The following EXD3 variants were observed in gnomAD, a reference collection of about 807,000 sequenced individuals.
EXD3 encodes the protein exonuclease mut-7 homolog.
EXD3 carries 92 observed loss-of-function variants against 98.0 expected under a neutral mutation model. The observed-to-expected ratio is 0.94, with a 90% CI of 0.79 to 1.12. The LOEUF is 1.12. Among genes scored for constraint, EXD3 ranks in the 50% most tolerant of loss-of-function variants. EXD3 has a pLI of 0.00. For missense variants in EXD3, 1,222 were observed against 1,191.6 expected (o/e 1.03, Z -0.38); for synonymous variants, 569 against 526.0 (o/e 1.08, Z -1.12).
intron 19 of EXD3, among the ~76,000 whole-genome samples, chr9:137,318,789 C>A (rs1051996788): frequency 6.6e-6 from 1 of 152,192 alleles, no homozygotes; most frequent in Non-Finnish European, 1.5e-5. Context: ...GCAACCCCAG[C>A]GCCCAGGAGT....
intron 21 of EXD3, 102 bp downstream of exon 21, chr9:137,307,506 C>T (rs570356895): frequency 1.2e-5 from 18 of 1,461,878 alleles, no homozygotes; most frequent in African/African-American, 7.0e-5. Flanking sequence ...CCACAGAGCC[C>T]CCTCTGCCCG....
intron 3 of EXD3, among the ~76,000 whole-genome samples, chr9:137,375,760 A>G (rs1341205356): frequency 6.6e-6 from 1 of 152,230 alleles, no homozygotes; most frequent in African/African-American, 2.4e-5. Flanking sequence ...GGCAGAAACA[A>G]AACATCATTC....
intron 7 of EXD3, 177 bp downstream of exon 7, chr9:137,366,316 C>A (rs1170670358): frequency 2.3e-6 from 2 of 881,138 alleles, no homozygotes; most frequent in East Asian, 5.3e-5. Flanking sequence ...CCAGCCCCAG[C>A]CGCTCCTCTC....
At chr9:137,323,491 G>A (rs1291758386) in intron 19 of EXD3, among the ~76,000 whole-genome samples, 1 of 78,320 alleles carries the variant, frequency 1.3e-5, no homozygotes. Flanking sequence ...CCGGACCCAC[G>A]AGGGATGATC....
At chr9:137,326,128 C>T (rs1588252971) in intron 17 of EXD3, among the ~76,000 whole-genome samples, 1 of 151,774 alleles carries the variant, frequency 6.6e-6, no homozygotes, top group Admixed American at 6.6e-5. Context: ...GGAACACTTC[C>T]TGGCGCTGTA....
At position 137,351,147 on chromosome 9, in the gene EXD3, C is replaced by A. The variant is rs575148945; in HGVS notation, c.1385G>T (p.Gly462Val). The A allele has an allele frequency of 3.8e-6, 6 of 1,570,738 alleles. No homozygotes were observed. In the South Asian group the frequency reaches 4.7e-5, roughly 12 times the overall value. The change falls in exon 14 of 22, where the codon GGC (glycine) becomes GTC (valine). Residue 462 changes from glycine to valine, a missense_variant and splice_region_variant. Transcript: ENST00000340951. The stretch of plus-strand genomic sequence containing the variant: ...TTGCAGGTCCCCCACCATCCCGTAG[C>A]CTGTGGGCAGGAACCATCGTGGGAG... ...LLSDPSITKL[G>V]YGMVGDLQKL...
intron 3 of EXD3, among the ~76,000 whole-genome samples, chr9:137,376,641 C>T (rs990517781): frequency 2.6e-5 from 4 of 152,010 alleles, no homozygotes; most frequent in Non-Finnish European, 4.4e-5. Context: ...TTAAAAATGC[C>T]TCTTTTGGCC....
intron 19 of EXD3, among the ~76,000 whole-genome samples, chr9:137,312,817 C>T (rs1831437681): frequency 6.6e-6 from 1 of 152,136 alleles, no homozygotes; most frequent in South Asian, 2.1e-4. Flanking sequence ...ACCCCCACCA[C>T]CAAGGGAGCG....
At chr9:137,354,829 C>T in intron 8 of EXD3, 56 bp from the exon 9 acceptor site, 1 of 1,543,214 alleles carries the variant, frequency 6.5e-7, no homozygotes, top group South Asian at 1.2e-5. Context: ...ACCACGGCCT[C>T]CTTCTGGGGC....
chr9:137,415,168 G>A (rs371773974), intron 1 of EXD3, among the ~76,000 whole-genome samples: 67 of 150,020 alleles, frequency 4.5e-4, no homozygotes, highest in African/African-American at 1.5e-3. Flanking sequence ...GATTACAGGC[G>A]TGAGCCACTG....
At chr9:137,383,231 G>T in intron 3 of EXD3, 82 bp downstream of exon 3, 2 of 1,171,072 alleles carry the variant, frequency 1.7e-6, no homozygotes, top group Non-Finnish European at 2.5e-6. Flanking sequence ...GACCAGGGAG[G>T]CCTCCTGTTA....
At chr9:137,402,805 T>C (rs1036758086) in intron 1 of EXD3, among the ~76,000 whole-genome samples, 1 of 152,138 alleles carries the variant, frequency 6.6e-6, no homozygotes, top group East Asian at 1.9e-4. Flanking sequence ...CAAGTTTAAT[T>C]GGACTCACAT....
chr9:137,316,760 G>A (rs1831687861), intron 19 of EXD3, among the ~76,000 whole-genome samples: 1 of 152,204 alleles, frequency 6.6e-6, no homozygotes, highest in Non-Finnish European at 1.5e-5. Flanking sequence ...GCTGGGGGCT[G>A]AGTCTAAGAG....
chr9:137,318,925 G>A (rs935488006), intron 19 of EXD3, among the ~76,000 whole-genome samples: 7 of 152,234 alleles, frequency 4.6e-5, no homozygotes, highest in African/African-American at 1.2e-4. Context: ...TGTGCCCACC[G>A]TACCACCCAG....
chr9:137,331,718 C>A lies in EXD3; in HGVS notation c.1999-7575G>T, dbSNP rs140005339. On this transcript the variant is annotated intron_variant, in intron 17 of 21. Transcript: ENST00000340951. Reference sequence around the variant, plus strand: ...CTCACTTGAGATCAGGAGTTTGAGACCAGCCTGGATAACATGGTGAAACCC... The same window carrying A: ...CTCACTTGAGATCAGGAGTTTGAGAACAGCCTGGATAACATGGTGAAACCC... 9.8e-3 allele frequency among the ~76,000 whole-genome samples: 1,487 copies of A among 152,040 alleles called. 20 individuals carry two copies. Among genetic ancestry groups the A allele is most frequent in the African/African-American group, 0.034 (1,391 of 41,460 alleles).
At chr9:137,383,515 C>T (rs1836429071) in intron 2 of EXD3, 138 bp from the exon 3 acceptor site, 1 of 609,058 alleles carries the variant, frequency 1.6e-6, no homozygotes, top group African/African-American at 1.9e-5. Context: ...CCTCCCCCAC[C>T]TCTGTCTGGC....
At chr9:137,368,960 C>T (rs1394383336) in intron 5 of EXD3, among the ~76,000 whole-genome samples, 1 of 124,902 alleles carries the variant, frequency 8.0e-6, no homozygotes, top group Non-Finnish European at 1.7e-5. Context: ...TGAGGAGGGG[C>T]ACAGGGCCGG....
At chr9:137,353,629 A>G in intron 10 of EXD3, 1 of 986,002 alleles carries the variant, frequency 1.0e-6, no homozygotes. Flanking sequence ...CCAGCCCAGG[A>G]GCAGAGGCAC....
chr9:137,323,773 C>T lies in EXD3; in HGVS notation c.2136G>A (p.Lys712=). The change falls in exon 19 of 22, where the codon AAG becomes AAA. Residue 712 remains lysine (K), a synonymous_variant. Coordinates refer to ENST00000340951, the MANE Select transcript of EXD3 (RefSeq NM_017820.5). ...CGTGGGTGACACGCACGTTGAAATG[C>T]TTGAGCACAGCCTTGGCCTGCTGCT... ...KAQQQAKAVL[K]HFNVRVTHAD... 1 of 1,612,396 alleles carries T rather than the reference C, an allele frequency of 6.2e-7. No individual in the cohort carries two copies. The highest frequency in any genetic ancestry group is 8.5e-7 in the Non-Finnish European group (1 of 1,179,750).
Sources: allele counts gnomAD v4.1 joint callset (sites outside exome capture counted in the v4.1 genomes callset), GRCh38; gene constraint gnomAD v4.1.1; transcripts MANE v1.5; gene names NCBI Gene and HGNC (gene_info 2026-07-23, HGNC 2026-07-21).